ACSS1: variants seen among roughly 807,000 people sequenced by gnomAD.
The protein encoded by ACSS1 is acetyl-coenzyme A synthetase 2-like, mitochondrial.
ACSS1 carries 42 observed loss-of-function variants against 75.3 expected under a neutral mutation model. The observed-to-expected ratio is 0.56, with a 90% CI of 0.44 to 0.72. The LOEUF (loss-of-function observed/expected upper bound fraction) is 0.72. Among genes scored for constraint, ACSS1 ranks in the 30% least tolerant of loss-of-function variants. The pLI is 0.00. For missense variants in ACSS1, 782 were observed against 935.7 expected (o/e 0.84, Z 2.14); for synonymous variants, 380 against 376.8 (o/e 1.01, Z -0.10).
At chr20:25,031,062 G>T (rs1343071385) in intron 2 of ACSS1, 104 bp from the exon 3 acceptor site, 1 of 1,166,090 alleles carries the variant, frequency 8.6e-7, no homozygotes, top group Non-Finnish European at 1.2e-6. Context: ...TATACATCCA[G>T]CCCAGTGCCA....
At chr20:25,022,871 G>C (rs1445560304) in intron 5 of ACSS1, 69 bp downstream of exon 5, 1 of 1,503,542 alleles carries the variant, frequency 6.7e-7, no homozygotes, top group South Asian at 1.3e-5. Context: ...TCTGCAGCAG[G>C]AGGACTTCCA....
intron 2 of ACSS1, among the ~76,000 whole-genome samples, chr20:25,045,723 T>C (rs547162056): frequency 6.6e-6 from 1 of 152,350 alleles, no homozygotes; most frequent in African/African-American, 2.4e-5. Context: ...TGCCAATGTC[T>C]AGGGGCTTTC....
intron 1 of ACSS1, among the ~76,000 whole-genome samples, chr20:25,055,811 C>G (rs1243074944): frequency 6.6e-6 from 1 of 152,212 alleles, no homozygotes; most frequent in Non-Finnish European, 1.5e-5. Flanking sequence ...GCTGACAGAT[C>G]AGACCAAAGT....
intron 2 of ACSS1, among the ~76,000 whole-genome samples, chr20:25,041,432 T>C (rs950111617): frequency 1.3e-5 from 2 of 152,126 alleles, no homozygotes; most frequent in Admixed American, 6.5e-5. Context: ...GGCACCGTAC[T>C]CCCGGGCATA....
In ACSS1 at chr20:25,057,947, T is replaced by C; in HGVS notation, c.156A>G (p.Ala52=). Residue 52 remains alanine (A), a synonymous_variant, in exon 1 of 14, where the codon GCA becomes GCG. Transcript: ENST00000323482. ...SGSAPAVAAA[A]AQPGSYPALS... is the part of the protein sequence containing the mutation. Reference sequence around the variant, plus strand: ...GCGCGGGATACGAGCCTGGCTGTGCTGCTGCTGCTGCAACTGCGGGAGCGC... The same window carrying C: ...GCGCGGGATACGAGCCTGGCTGTGCCGCTGCTGCTGCAACTGCGGGAGCGC... 1.2e-6 allele frequency: 2 copies of C among 1,601,318 alleles called. No homozygotes were observed. Among genetic ancestry groups the C allele is most frequent in the South Asian group, 1.1e-5 (1 of 89,850 alleles).
intron 12 of ACSS1, chr20:25,009,637 T>G: frequency 2.0e-6 from 1 of 501,400 alleles, no homozygotes; most frequent in Non-Finnish European, 3.6e-6. Flanking sequence ...GAGCTTGGCA[T>G]CTCAGCTCTA....
At chr20:25,055,149 C>T (rs1476944415) in intron 1 of ACSS1, among the ~76,000 whole-genome samples, 1 of 152,188 alleles carries the variant, frequency 6.6e-6, no homozygotes, top group Non-Finnish European at 1.5e-5. Flanking sequence ...CTAAATTTGT[C>T]CTAATTTTGC....
intron 2 of ACSS1, chr20:25,032,375 T>C: frequency 8.8e-6 from 12 of 1,369,664 alleles, no homozygotes; most frequent in Non-Finnish European, 1.0e-5. Flanking sequence ...TTGCCGGCCA[T>C]GCGGTGCGAA....
chr20:25,056,913 C>A (rs2089250151), intron 1 of ACSS1, among the ~76,000 whole-genome samples: 3 of 152,208 alleles, frequency 2.0e-5, no homozygotes, highest in Admixed American at 2.0e-4. Flanking sequence ...GCGTGGCCAG[C>A]CCTGCCTGCA....
At chr20:25,044,146 C>T (rs918678765) in intron 2 of ACSS1, among the ~76,000 whole-genome samples, 1 of 152,192 alleles carries the variant, frequency 6.6e-6, no homozygotes, top group African/African-American at 2.4e-5. Context: ...ATTCCTGGCC[C>T]AGACCCCAGG....
At chr20:25,056,853 C>A (rs1376804624) in intron 1 of ACSS1, among the ~76,000 whole-genome samples, 1 of 152,214 alleles carries the variant, frequency 6.6e-6, no homozygotes, top group East Asian at 1.9e-4. Context: ...AGGCCCCACA[C>A]CCAGGCCCAC....
At chr20:25,047,366 C>T (rs2089110464) in intron 2 of ACSS1, among the ~76,000 whole-genome samples, 1 of 149,748 alleles carries the variant, frequency 6.7e-6, no homozygotes, top group African/African-American at 2.5e-5. Context: ...AGGACCTCAG[C>T]TGGAATGTTG....
In ACSS1 at chr20:25,007,534, C is replaced by A; in HGVS notation, c.*228G>T. ...GGAAACCAAACTCAGATGGCAGAAC[C>A]AGCCCTAGCCATGTCGCATAGCCTC... On this transcript the variant is annotated 3_prime_UTR_variant, in exon 14 of 14. Coordinates refer to ENST00000323482, the MANE Select transcript of ACSS1 (RefSeq NM_032501.4). The A allele has an allele frequency of 1.5e-6, 2 of 1,343,380 alleles. No individual in the cohort carries two copies. The highest frequency in any genetic ancestry group is 1.9e-6 in the Non-Finnish European group (2 of 1,048,738). The allele number at this position is 1,343,380 out of a possible 1,614,324, so 83.2% of individuals were successfully genotyped here. A position where few individuals can be genotyped will look rare whatever the true frequency, so the allele number is the denominator to read the frequency against.
chr20:25,006,269 C>T lies in ACSS1; in HGVS notation c.*1493G>A, dbSNP rs2088304798. The T allele has an allele frequency of 1.3e-5, 2 of 152,402 alleles. No homozygotes were observed. The highest frequency in any genetic ancestry group is 4.8e-5 in the African/African-American group (2 of 41,454). The allele number at this position is 152,402 out of a possible 1,614,324, so 9.4% of individuals were successfully genotyped here. On this transcript the variant is annotated 3_prime_UTR_variant, in exon 14 of 14. Transcript: ENST00000323482. ...AATAAAGCTTTATTTGAACTCCCTC[C>T]CCTACAGATCATTCAGATGCCCGGG... is the stretch of plus-strand genomic sequence containing the variant.
In ACSS1 at chr20:25,012,653, A is replaced by C; in HGVS notation, c.1719T>G (p.Pro573=). The C allele has an allele frequency of 6.2e-7, 1 of 1,614,188 alleles. No homozygotes were observed. Among genetic ancestry groups the C allele is most frequent in the Non-Finnish European group, 8.5e-7 (1 of 1,180,032 alleles). ...CAATGACAGCACTTTCTGGTACTGC[A>C]GGGTGGTCGGCCTGTGTACAACAGA... is the stretch of plus-strand genomic sequence containing the variant. ...AEIEDAIADH[P]AVPESAVIGY... The change falls in exon 12 of 14, where the codon CCT becomes CCG. Residue 573 remains proline, a synonymous_variant. Transcript: ENST00000323482.
In ACSS1 at chr20:25,023,480, C is replaced by G. The variant is rs112029562; in HGVS notation, c.793G>C (p.Val265Leu). The G allele has an allele frequency of 6.2e-7, 1 of 1,614,112 alleles. No homozygotes were observed. Among genetic ancestry groups the G allele is most frequent in the Non-Finnish European group, 8.5e-7 (1 of 1,180,036 alleles). The change falls in exon 4 of 14, where the codon GTC becomes CTC. Residue 265 changes from valine to leucine, a missense_variant. By Grantham distance (32) the Val-to-Leu change is conservative. Around this residue, in one of 2 missense-constraint regions of ACSS1, gnomAD observed 377 missense variants for 383.1 expected, o/e 0.98. Transcript: ENST00000323482. ...DNKVHMGDLD[V>L]PLEQEMAKED... is the part of the protein sequence containing the mutation. ...AGGTAACCCACCTGCTCCAGCGGGA[C>G]GTCCAGATCCCCCATGTGGACCTTG... is the stretch of plus-strand genomic sequence containing the variant.
At chr20:25,054,759 A>G (rs1012803607) in intron 1 of ACSS1, among the ~76,000 whole-genome samples, 5 of 152,260 alleles carry the variant, frequency 3.3e-5, no homozygotes, top group African/African-American at 1.2e-4. Context: ...AATAAAATGT[A>G]TAGGAGGCCA....
chr20:25,049,649 A>G (rs1011997639), intron 1 of ACSS1, among the ~76,000 whole-genome samples: 18 of 152,326 alleles, frequency 1.2e-4, no homozygotes, highest in African/African-American at 4.3e-4. Flanking sequence ...TGGGAAGTCA[A>G]GAGCAGCCTG....
In ACSS1 at chr20:25,023,526, C is replaced by G. The variant is rs2088663803; in HGVS notation, c.747G>C (p.Leu249=). 6.2e-7 allele frequency: 1 copy of G among 1,614,202 alleles called. No individual in the cohort carries two copies. The highest frequency in any genetic ancestry group is 2.2e-5 in the East Asian group (1 of 44,876). ...VKHCPTVQHV[L]VAHRTDNKVH... Reference sequence around the variant, plus strand: ...CCTTGTTGTCTGTCCTGTGAGCCACCAGGACATGCTGCACGGTGGGGCAGT... The same window carrying G: ...CCTTGTTGTCTGTCCTGTGAGCCACGAGGACATGCTGCACGGTGGGGCAGT... The change falls in exon 4 of 14, where the codon CTG becomes CTC. Residue 249 remains leucine, a synonymous_variant. Coordinates refer to ENST00000323482, the MANE Select transcript of ACSS1 (RefSeq NM_032501.4).
Sources: gnomAD v4.1 joint callset for allele counts (sites outside exome capture counted in the v4.1 genomes callset) on GRCh38, gnomAD v4.1.1 for gene constraint, gnomAD v4.1.1 regional missense constraint, MANE v1.5 for transcripts, NCBI Gene and HGNC (gene_info 2026-07-23, HGNC 2026-07-21) for gene names.